ITGA8: variants seen among roughly 807,000 people sequenced by gnomAD.
ITGA8 encodes integrin alpha-8.
In ITGA8, 91 loss-of-function variants were observed where a neutral mutation model predicts 142.3. That is an observed-to-expected ratio of 0.64 (90% CI 0.54 to 0.76). ITGA8 has a LOEUF of 0.76. Ranked by LOEUF, ITGA8 falls within the 30% of genes least tolerant of loss-of-function variation. The pLI is 0.00. For synonymous variants in ITGA8, 505 were observed against 485.2 expected (o/e 1.04, Z -0.54); for missense variants, 1,406 against 1,327.7 (o/e 1.06, Z -0.92).
intron 13 of ITGA8, among the ~76,000 whole-genome samples, chr10:15,635,222 G>A (rs1055980092): frequency 5.9e-5 from 9 of 151,788 alleles, no homozygotes; most frequent in Non-Finnish European, 8.8e-5. Flanking sequence ...GGCCAGGATG[G>A]TCTTGATCTC....
rs138321793 is a variant in ITGA8, at chr10:15,644,192, T to C, written c.1237A>G (p.Lys413Glu). 3.1e-6 allele frequency: 5 copies of C among 1,613,868 alleles called. No homozygotes were observed. In the African/African-American group the frequency reaches 4.0e-5, roughly 13 times the overall value. The change falls in exon 13 of 30, where the codon AAG becomes GAG. Residue 413 changes from lysine to glutamate, a missense_variant. Transcript: ENST00000378076. Reference protein sequence around the residue: ...DIAIGVPFAGKDQRGKVLIYN... With the variant: ...DIAIGVPFAGEDQRGKVLIYN... ...ATGAGCACTTTGCCTCTTTGATCCT[T>C]GCCTGCAAAAGGCACTCCGATGGCA...
rs529291160 is a variant in ITGA8, at chr10:15,523,990, T to A, written c.2983-4578A>T. On this transcript the variant is annotated intron_variant, in intron 28 of 29. Transcript: ENST00000378076. ...CATACCTTTTCTCTGATGTCAGGAT[T>A]ATGCATATGATATGCATTTCCTCCA... Among the ~76,000 whole-genome samples, 6 of 152,280 alleles carry A rather than the reference T, an allele frequency of 3.9e-5. No individual in the cohort carries two copies. In the South Asian group the frequency reaches 1.0e-3, roughly 26 times the overall value.
Position 15,655,390 on chromosome 10 carries a change from C to G in ITGA8, c.965G>C (p.Gly322Ala). 2 of 1,611,284 alleles carry G rather than the reference C, an allele frequency of 1.2e-6. No individual in the cohort carries two copies. The highest frequency in any genetic ancestry group is 1.7e-6 in the Non-Finnish European group (2 of 1,177,828). Residue 322 changes from glycine to alanine, a missense_variant, in exon 11 of 30, where the codon GGA becomes GCA. Gly to Ala is a moderately conservative substitution (Grantham distance 60, BLOSUM62 0). Transcript: ENST00000378076. ...FTGEQMASYF[G>A]YTVVVSDVNS... Reference sequence around the variant, plus strand: ...AACATCTGATACGACAACGGTATATCCAAAATAAGATGCCATCTGCAAAGG... The same window carrying G: ...AACATCTGATACGACAACGGTATATGCAAAATAAGATGCCATCTGCAAAGG...
chr10:15,559,029 A>C (rs1833931056), intron 25 of ITGA8, among the ~76,000 whole-genome samples: 1 of 152,232 alleles, frequency 6.6e-6, no homozygotes, highest in South Asian at 2.1e-4. Context: ...TCACAGGAGC[A>C]ATAATAGTAT....
intron 19 of ITGA8, among the ~76,000 whole-genome samples, chr10:15,604,792 A>G (rs1833165171): frequency 6.6e-6 from 1 of 152,130 alleles, no homozygotes; most frequent in African/African-American, 2.4e-5. Context: ...GCAATGGAAT[A>G]AAAGGAAGAG....
intron 26 of ITGA8, among the ~76,000 whole-genome samples, chr10:15,556,812 C>T (rs1394459541): frequency 1.3e-5 from 2 of 152,186 alleles, no homozygotes; most frequent in African/African-American, 4.8e-5. Flanking sequence ...TTCTATCTAA[C>T]TATATTTTGT....
intron 23 of ITGA8, among the ~76,000 whole-genome samples, chr10:15,583,156 A>G (rs994350834): frequency 2.6e-5 from 4 of 152,224 alleles, no homozygotes; most frequent in Non-Finnish European, 5.9e-5. Context: ...AATGTGGCAC[A>G]TATACAATGT....
chr10:15,545,627 T>C (rs1833654110), intron 27 of ITGA8, among the ~76,000 whole-genome samples: 1 of 152,204 alleles, frequency 6.6e-6, no homozygotes, highest in Admixed American at 6.5e-5. Context: ...CCTGAATTTG[T>C]ACTTTCATTT....
At chr10:15,599,631 C>T (rs1833066720) in intron 20 of ITGA8, among the ~76,000 whole-genome samples, 1 of 151,976 alleles carries the variant, frequency 6.6e-6, no homozygotes, top group African/African-American at 2.4e-5. Flanking sequence ...TGGTTAAGAA[C>T]AGGGGCCCAG....
At chr10:15,517,554 C>T (rs1832986289) in intron 29 of ITGA8, among the ~76,000 whole-genome samples, 1 of 152,182 alleles carries the variant, frequency 6.6e-6, no homozygotes, top group Admixed American at 6.5e-5. Context: ...GAACTCCTGA[C>T]CACAAGTGAT....
intron 2 of ITGA8, among the ~76,000 whole-genome samples, chr10:15,708,071 C>T (rs909075383): frequency 9.9e-5 from 15 of 151,988 alleles, no homozygotes; most frequent in South Asian, 6.2e-4. Context: ...CCCCATCCGA[C>T]GGGACAAAAT....
At chr10:15,645,800 C>A (rs987912051) in intron 12 of ITGA8, among the ~76,000 whole-genome samples, 3 of 152,042 alleles carry the variant, frequency 2.0e-5, no homozygotes, top group Non-Finnish European at 4.4e-5. Context: ...ATTTTCAGGT[C>A]CTGAAAATGT....
chr10:15,571,058 G>GA (rs888919825), intron 25 of ITGA8, among the ~76,000 whole-genome samples: 52 of 151,706 alleles, frequency 3.4e-4, no homozygotes, highest in South Asian at 1.0e-3. Context: ...GAGGAAATGA[G>GA]AAAAAAAAAT....
chr10:15,647,328 G>A (rs1834000260), intron 11 of ITGA8, among the ~76,000 whole-genome samples: 1 of 151,888 alleles, frequency 6.6e-6, no homozygotes, highest in African/African-American at 2.4e-5. Flanking sequence ...CAGCTTCTTA[G>A]TGCATTTCCA....
At chr10:15,660,811 T>A in intron 9 of ITGA8, 68 bp downstream of exon 9, 1 of 1,237,258 alleles carries the variant, frequency 8.1e-7, no homozygotes, top group Non-Finnish European at 1.2e-6. Context: ...TTTATTCAGA[T>A]GTAATTCCAT....
chr10:15,636,127 A>C (rs2131638525), intron 13 of ITGA8, among the ~76,000 whole-genome samples: 1 of 152,228 alleles, frequency 6.6e-6, no homozygotes, highest in African/African-American at 2.4e-5. Flanking sequence ...CTGCCCCTCA[A>C]CAAAATCTGT....
intron 15 of ITGA8, among the ~76,000 whole-genome samples, chr10:15,610,560 G>C (rs1461594755): frequency 1.3e-5 from 2 of 152,098 alleles, no homozygotes; most frequent in Admixed American, 1.3e-4. Flanking sequence ...AAATTAAACT[G>C]TTTGTGGACA....
intron 13 of ITGA8, among the ~76,000 whole-genome samples, chr10:15,628,515 G>A (rs1029931372): frequency 5.9e-5 from 9 of 151,330 alleles, no homozygotes; most frequent in African/African-American, 2.2e-4. Flanking sequence ...TATATTTTTA[G>A]TAGAGACAGG....
chr10:15,660,809 G>T, intron 9 of ITGA8, 70 bp downstream of exon 9: 2 of 1,219,850 alleles, frequency 1.6e-6, no homozygotes, highest in South Asian at 2.5e-5. Context: ...GGTTTATTCA[G>T]ATGTAATTCC....
Sources: allele counts gnomAD v4.1 joint callset (sites outside exome capture counted in the v4.1 genomes callset), GRCh38; gene constraint gnomAD v4.1.1; transcripts MANE v1.5; gene names NCBI Gene and HGNC (gene_info 2026-07-23, HGNC 2026-07-21).